Variants in LMO7 observed in about 807,000 individuals in gnomAD.
LMO7 encodes LIM domain 7.
A neutral mutation model predicts 206.5 loss-of-function variants in LMO7; 120 were observed. The ratio of observed to expected loss-of-function variants is 0.58; its 90% CI spans 0.50 to 0.68. The LOEUF (loss-of-function observed/expected upper bound fraction) is 0.68, where lower values mean the gene tolerates loss of function less well. Among genes scored for constraint, LMO7 ranks in the 30% least tolerant of loss-of-function variants. The probability of loss-of-function intolerance (pLI) is 0.00; values close to 1 mark genes in which losing one functional copy is unlikely to be tolerated. For missense variants in LMO7, 1,959 were observed against 1,957.9 expected, an observed-to-expected ratio of 1.00 and a Z score of -0.01; for synonymous variants, 706 against 681.5, an observed-to-expected ratio of 1.04 and a Z score of -0.56.
At chr13:75,635,651 G>T (rs1275423438), upstream of LMO7, among the ~76,000 whole-genome samples, 4 of 152,202 alleles carry the variant, frequency 2.6e-5, no homozygotes, top group African/African-American at 7.2e-5. Flanking sequence ...TCAGCCGCGA[G>T]CCGGGGTGGA....
chr13:75,646,919 C>T (rs2037077774), intron 1 of LMO7, among the ~76,000 whole-genome samples: 1 of 152,134 alleles, frequency 6.6e-6, no homozygotes, highest in African/African-American at 2.4e-5. Context: ...GTTGCTGTTC[C>T]ATCTGCATGA....
Position 75,792,445 on chromosome 13 carries a change from T to G in LMO7, c.318-2956T>G, listed in dbSNP as rs187805622. ...AAAGCGCAGGCACTTAAACATGGTA[T>G]CAGACCATGTCAACTTTGGACATAT... On this transcript the variant is annotated intron_variant, in intron 4 of 30. Coordinates refer to ENST00000377534, the MANE Select transcript of LMO7 (RefSeq NM_001306080.2). Among the ~76,000 whole-genome samples, 193 of 152,318 alleles carry G rather than the reference T, an allele frequency of 1.3e-3. 1 individual carries two copies. The highest frequency in any genetic ancestry group is 4.5e-3 in the African/African-American group (188 of 41,556).
At chr13:75,820,432 A>G (rs1347939910) in intron 13 of LMO7, among the ~76,000 whole-genome samples, 1 of 152,166 alleles carries the variant, frequency 6.6e-6, no homozygotes, top group Non-Finnish European at 1.5e-5. Flanking sequence ...ATTACTGTAA[A>G]TTTTTGCAGG....
intron 2 of LMO7, among the ~76,000 whole-genome samples, chr13:75,714,445 A>G (rs935409820): frequency 1.4e-4 from 21 of 152,142 alleles, no homozygotes; most frequent in African/African-American, 5.1e-4. Context: ...CTCTGTTGGC[A>G]AGTGTTCAAA....
In LMO7 at chr13:75,858,069, G is replaced by A; in HGVS notation, c.*126G>A. The A allele has an allele frequency of 9.0e-7, 1 of 1,108,268 alleles. No homozygotes were observed. 68.7% of individuals were successfully genotyped at this position (1,108,268 alleles called of 1,614,324 possible). ...TTTAAAAAAAAGAATAACTTTTTTTGCCTCTTTAGATTACATAGAAGCATT... is the reference window on the plus strand; with the variant it reads ...TTTAAAAAAAAGAATAACTTTTTTTACCTCTTTAGATTACATAGAAGCATT... On this transcript the variant is annotated 3_prime_UTR_variant, in exon 31 of 31. Transcript: ENST00000377534.
chr13:75,723,382 GTTCA>G (rs543276787), intron 2 of LMO7, among the ~76,000 whole-genome samples: 49 of 152,026 alleles, frequency 3.2e-4, no homozygotes, highest in Non-Finnish European at 4.0e-4. Flanking sequence ...AGGTTAAAAA[GTTCA>G]TTCAGTGTAT....
At chr13:75,752,320 G>A (rs1157267547) in intron 3 of LMO7, among the ~76,000 whole-genome samples, 4 of 151,756 alleles carry the variant, frequency 2.6e-5, no homozygotes, top group Non-Finnish European at 4.4e-5. Context: ...TAGTAGAGAC[G>A]GGGTTTCACC....
chr13:75,857,409 G>T (rs1317835645), intron 30 of LMO7: 1 of 152,250 alleles, frequency 6.6e-6, no homozygotes, highest in East Asian at 1.9e-4. Flanking sequence ...TGGCCCCTAT[G>T]TGAAGAGTGC....
chr13:75,776,179 A>ATATATATG (rs1478529350), intron 4 of LMO7, among the ~76,000 whole-genome samples: 2 of 69,508 alleles, frequency 2.9e-5, no homozygotes, highest in East Asian at 9.7e-4. Context: ...ATATATATAT[A>ATATATATG]TATATATATA....
chr13:75,685,980 A>T (rs1313750078), intron 1 of LMO7, among the ~76,000 whole-genome samples: 3 of 142,572 alleles, frequency 2.1e-5, no homozygotes, highest in African/African-American at 8.0e-5. Flanking sequence ...CTTGATCTCC[A>T]GGACTCAAGT....
chr13:75,686,526 C>T (rs996587820), intron 1 of LMO7, among the ~76,000 whole-genome samples: 75 of 135,828 alleles, frequency 5.5e-4, no homozygotes, highest in African/African-American at 2.0e-3. Context: ...CCTATCTTAC[C>T]TTTTTTTTTT....
chr13:75,756,361 A>C (rs903334139), intron 3 of LMO7, among the ~76,000 whole-genome samples: 2 of 152,212 alleles, frequency 1.3e-5, no homozygotes, highest in Non-Finnish European at 2.9e-5. Context: ...GGAATAGAGA[A>C]TCATGAAATT....
At chr13:75,764,269 A>G (rs567623691) in intron 4 of LMO7, among the ~76,000 whole-genome samples, 21 of 152,256 alleles carry the variant, frequency 1.4e-4, no homozygotes, top group African/African-American at 4.6e-4. Context: ...CATGAAATCA[A>G]TCTTTTGTGT....
chr13:75,836,996 A>G (rs925093553), intron 19 of LMO7, among the ~76,000 whole-genome samples: 3 of 152,152 alleles, frequency 2.0e-5, no homozygotes, highest in Non-Finnish European at 4.4e-5. Context: ...TTTAGCTAGC[A>G]TACATCGTGT....
At chr13:75,720,301 C>A (rs2043911148) in intron 2 of LMO7, among the ~76,000 whole-genome samples, 1 of 152,134 alleles carries the variant, frequency 6.6e-6, no homozygotes, top group South Asian at 2.1e-4. Context: ...ATTCCCTTGA[C>A]AGTGTCTTTC....
At chr13:75,635,553 A>C (rs937972836), upstream of LMO7, among the ~76,000 whole-genome samples, 21 of 152,166 alleles carry the variant, frequency 1.4e-4, no homozygotes, top group Non-Finnish European at 3.1e-4. Flanking sequence ...TTTGACGCTC[A>C]CCGCGAGGGC....
chr13:75,698,808 A>C (rs1188621622), intron 1 of LMO7, among the ~76,000 whole-genome samples: 2 of 152,176 alleles, frequency 1.3e-5, no homozygotes, highest in Non-Finnish European at 2.9e-5. Context: ...TTTTTAAAAA[A>C]ACATTTATTG....
chr13:75,651,580 A>C (rs1039070074), intron 1 of LMO7, among the ~76,000 whole-genome samples: 1 of 152,178 alleles, frequency 6.6e-6, no homozygotes, highest in African/African-American at 2.4e-5. Context: ...CACCTGTCTC[A>C]GCCTCCCAAA....
intron 15 of LMO7, among the ~76,000 whole-genome samples, chr13:75,824,513 A>G (rs901705852): frequency 3.3e-5 from 5 of 152,168 alleles, no homozygotes; most frequent in African/African-American, 9.7e-5. Context: ...GACTGGGGGC[A>G]TGTGTAGTTT....
Sources: allele counts gnomAD v4.1 joint callset (sites outside exome capture counted in the v4.1 genomes callset), GRCh38; gene constraint gnomAD v4.1.1; transcripts MANE v1.5; gene names NCBI Gene and HGNC (gene_info 2026-07-23, HGNC 2026-07-21).